Variants in RAP1GAP2 observed in about 807,000 individuals in gnomAD.
The protein encoded by RAP1GAP2 is RAP1 GTPase activating protein 2, also known as rap1 GTPase-activating protein 2.
Under a neutral mutation model 95.0 loss-of-function variants are expected in RAP1GAP2, and 27 were observed. The ratio of observed to expected loss-of-function variants is 0.28; its 90% CI spans 0.21 to 0.39. RAP1GAP2 has a LOEUF of 0.39. Ranked by LOEUF, RAP1GAP2 falls within the 10% of genes least tolerant of loss-of-function variation. The pLI, the probability that RAP1GAP2 is intolerant of heterozygous loss-of-function variation, is 1.00. For missense variants in RAP1GAP2, 771 were observed against 970.0 expected (o/e 0.79, Z 2.72); for synonymous variants, 373 against 380.9 (o/e 0.98, Z 0.24).
chr17:2,787,594 G>C (rs537355865), intron 1 of RAP1GAP2, among the ~76,000 whole-genome samples: 2 of 151,796 alleles, frequency 1.3e-5, no homozygotes, highest in South Asian at 4.2e-4. Flanking sequence ...TTGAGATGGA[G>C]TCTTGCTCTG....
At chr17:2,802,016 A>C (rs1385988313) in intron 2 of RAP1GAP2, among the ~76,000 whole-genome samples, 2 of 152,202 alleles carry the variant, frequency 1.3e-5, no homozygotes, top group African/African-American at 2.4e-5. Context: ...TGAATTGAAA[A>C]GGAGGGAAAT....
chr17:2,953,530 G>A (rs1392626190), intron 3 of RAP1GAP2, among the ~76,000 whole-genome samples: 4 of 151,976 alleles, frequency 2.6e-5, no homozygotes, highest in South Asian at 2.1e-4. Context: ...TATAATTTAC[G>A]TATCATAAAG....
intron 1 of RAP1GAP2, among the ~76,000 whole-genome samples, chr17:2,769,307 G>A (rs1441785836): frequency 3.0e-5 from 4 of 133,722 alleles, no homozygotes; most frequent in Non-Finnish European, 6.2e-5. Flanking sequence ...TGTAATCCCA[G>A]CACTTTGGGA....
At chr17:2,975,728 C>T (rs1480261213) in intron 8 of RAP1GAP2, among the ~76,000 whole-genome samples, 1 of 152,250 alleles carries the variant, frequency 6.6e-6, no homozygotes, top group Non-Finnish European at 1.5e-5. Context: ...CTGAGCAGCT[C>T]CATGGGAGGG....
At chr17:2,990,845 C>CTTT (rs34075979) in intron 11 of RAP1GAP2, among the ~76,000 whole-genome samples, 5 of 128,770 alleles carry the variant, frequency 3.9e-5, no homozygotes, top group African/African-American at 5.8e-5. Context: ...GTTCTTTATT[C>CTTT]TTTTTTTTTT....
rs553087435 is a variant in RAP1GAP2, at chr17:2,854,391, G to A, written c.81-50893G>A. ...CGCCCCCAGACCCTTTGCAGACCGC[G>A]ACCCCGTTCCCCAAGCCTGCAGCCG... is the stretch of plus-strand genomic sequence containing the variant. On this transcript the variant is annotated intron_variant, in intron 2 of 24. Coordinates refer to ENST00000254695, the MANE Select transcript of RAP1GAP2 (RefSeq NM_015085.5). 1.1e-4 allele frequency among the ~76,000 whole-genome samples: 16 copies of A among 152,310 alleles called. No individual in the cohort carries two copies. In the East Asian group the frequency reaches 2.7e-3, roughly 26 times the overall value.
rs777725492 is a variant in RAP1GAP2, at chr17:3,018,056, C to G, written c.1495-5C>G. The G allele has an allele frequency of 6.3e-7, 1 of 1,578,020 alleles. No homozygotes were observed. Among genetic ancestry groups the G allele is most frequent in the Non-Finnish European group, 8.6e-7 (1 of 1,162,456 alleles). Reference sequence around the variant, plus strand: ...GATTCTCAGGCCCTTGTTCTCTCCCCGTAGAGGGCCATCCGCGTACGCAGC... The same window carrying G: ...GATTCTCAGGCCCTTGTTCTCTCCCGGTAGAGGGCCATCCGCGTACGCAGC... On this transcript the variant is annotated splice_region_variant and splice_polypyrimidine_tract_variant and intron_variant, in intron 17 of 24. Coordinates refer to ENST00000254695, the MANE Select transcript of RAP1GAP2 (RefSeq NM_015085.5).
At chr17:2,921,871 C>A (rs1395816989) in intron 3 of RAP1GAP2, among the ~76,000 whole-genome samples, 1 of 152,186 alleles carries the variant, frequency 6.6e-6, no homozygotes. Context: ...TCTCTTCCTC[C>A]GTCTTCTTCA....
intron 2 of RAP1GAP2, among the ~76,000 whole-genome samples, chr17:2,882,141 T>G (rs1252416889): frequency 7.5e-6 from 1 of 133,448 alleles, no homozygotes; most frequent in African/African-American, 2.9e-5. Context: ...TTTTTTTTAA[T>G]TTTGAGATGT....
intron 2 of RAP1GAP2, among the ~76,000 whole-genome samples, chr17:2,879,834 G>A (rs1172110381): frequency 6.6e-6 from 1 of 151,920 alleles, no homozygotes; most frequent in African/African-American, 2.4e-5. Context: ...CTCGTCTCTT[G>A]TCCATTACTT....
intron 8 of RAP1GAP2, among the ~76,000 whole-genome samples, chr17:2,969,748 C>T (rs1454051230): frequency 6.6e-6 from 1 of 151,780 alleles, no homozygotes; most frequent in Non-Finnish European, 1.5e-5. Flanking sequence ...AGGTGATCTG[C>T]CCTCCTCTGC....
intron 2 of RAP1GAP2, among the ~76,000 whole-genome samples, chr17:2,813,105 C>T (rs1202797690): frequency 2.7e-5 from 4 of 150,934 alleles, no homozygotes; most frequent in East Asian, 3.9e-4. Flanking sequence ...GGAGTCTCGC[C>T]CTGTCGCCCA....
chr17:2,940,586 C>T (rs960922831), intron 3 of RAP1GAP2, among the ~76,000 whole-genome samples: 7 of 152,194 alleles, frequency 4.6e-5, no homozygotes, highest in African/African-American at 1.4e-4. Flanking sequence ...TGTCCTGTCA[C>T]GGAGCCTCAG....
rs1054134533 is a variant in RAP1GAP2, at chr17:2,939,700, G to C, written c.166-18059G>C. On this transcript the variant is annotated intron_variant, in intron 3 of 24. Coordinates refer to ENST00000254695, the MANE Select transcript of RAP1GAP2 (RefSeq NM_015085.5). ...AACTCACTCAGGGCAGGGATGGAGG[G>C]GGGAGGCTTCTCACCCCTTTACCTT... 2.0e-5 allele frequency among the ~76,000 whole-genome samples: 3 copies of C among 152,200 alleles called. No homozygotes were observed. In the East Asian group the frequency reaches 5.8e-4, roughly 29 times the overall value.
chr17:2,899,748 T>G (rs1397575291), intron 2 of RAP1GAP2, among the ~76,000 whole-genome samples: 2 of 152,162 alleles, frequency 1.3e-5, no homozygotes, highest in Non-Finnish European at 2.9e-5. Context: ...TGACCTCAGG[T>G]GATCTGCCTG....
intron 2 of RAP1GAP2, among the ~76,000 whole-genome samples, chr17:2,848,803 C>G (rs887260384): frequency 5.3e-5 from 8 of 152,178 alleles, no homozygotes; most frequent in Non-Finnish European, 1.5e-5. Flanking sequence ...CGTGAGCCAC[C>G]GCACCCGGCC....
chr17:2,813,780 T>C lies in RAP1GAP2; in HGVS notation c.80+13230T>C, dbSNP rs145663343. ...GTCGAGACCAGCCGGGCCAACATGG[T>C]GAAACCCTGTCTCTACTAAAAAAGT... is the stretch of plus-strand genomic sequence containing the variant. On this transcript the variant is annotated intron_variant, in intron 2 of 24. Transcript: ENST00000254695. Among the ~76,000 whole-genome samples, 797 of 152,074 alleles carry C rather than the reference T, an allele frequency of 5.2e-3. 4 individuals are homozygous for C. Among genetic ancestry groups the C allele is most frequent in the African/African-American group, 0.018 (744 of 41,498 alleles).
At chr17:2,769,208 G>T (rs966712273) in intron 1 of RAP1GAP2, among the ~76,000 whole-genome samples, 5 of 125,190 alleles carry the variant, frequency 4.0e-5, no homozygotes, top group African/African-American at 1.5e-4. Context: ...CTCTAGCCTG[G>T]ATGAGAAAGT....
chr17:2,824,050 G>A (rs1389725763), intron 2 of RAP1GAP2, among the ~76,000 whole-genome samples: 1 of 151,100 alleles, frequency 6.6e-6, no homozygotes, highest in African/African-American at 2.4e-5. Context: ...GTGAACCCGG[G>A]AGGCAGAGCT....
Sources: allele counts gnomAD v4.1 joint callset (sites outside exome capture counted in the v4.1 genomes callset), GRCh38; gene constraint gnomAD v4.1.1; transcripts MANE v1.5; gene names NCBI Gene and HGNC (gene_info 2026-07-23, HGNC 2026-07-21).